Variants in ALG14 observed in about 807,000 individuals in gnomAD.
ALG14 encodes the protein ALG14 UDP-N-acetylglucosaminyltransferase subunit.
In ALG14, 17 loss-of-function variants were observed where a neutral mutation model predicts 22.8. That is an observed-to-expected ratio of 0.75 (90% CI 0.51 to 1.12). The LOEUF (loss-of-function observed/expected upper bound fraction) is 1.12, where lower values mean the gene tolerates loss of function less well. Ranked by LOEUF, ALG14 falls within the 50% of genes most tolerant of loss-of-function variation. ALG14 has a pLI of 0.00. For synonymous variants in ALG14, 89 were observed against 103.7 expected (o/e 0.86, Z 0.86); for missense variants, 288 against 271.8 (o/e 1.06, Z -0.42).
intron 3 of ALG14, among the ~76,000 whole-genome samples, chr1:94,997,407 T>G (rs944536315): frequency 2.0e-5 from 3 of 152,196 alleles, no homozygotes; most frequent in Non-Finnish European, 4.4e-5. Context: ...TCTCAACCAC[T>G]ATGGTGATAA....
rs145148882 is a variant in ALG14 at position 94,983,214 on chromosome 1, G to A, written c.513C>T (p.Tyr171=). 6.6e-5 allele frequency: 107 copies of A among 1,613,984 alleles called. No individual in the cohort carries two copies. Among genetic ancestry groups the A allele is most frequent in the Non-Finnish European group, 8.1e-5 (96 of 1,180,030 alleles). Residue 171 remains tyrosine, a synonymous_variant, in exon 4 of 4, where the codon TAC becomes TAT. Transcript: ENST00000370205. ...TTTCTACACGGCAGATGCTTTCAACGTAGACAATGATCACTTTCTTTATTC... is the reference window on the plus strand; with the variant it reads ...TTTCTACACGGCAGATGCTTTCAACATAGACAATGATCACTTTCTTTATTC... ...ILGIKKVIIV[Y]VESICRVETL... is the part of the protein sequence containing the mutation.
At chr1:95,012,454 T>A (rs1421286343) in intron 3 of ALG14, among the ~76,000 whole-genome samples, 1 of 152,178 alleles carries the variant, frequency 6.6e-6, no homozygotes, top group South Asian at 2.1e-4. Context: ...TTTCGTCTTA[T>A]TAGAGTGAGC....
Position 94,983,326 on chromosome 1 carries a change from G to A in ALG14, c.421-20C>T, listed in dbSNP as rs758329527. 2 of 1,599,138 alleles carry A rather than the reference G, an allele frequency of 1.3e-6. No homozygotes were observed. Among genetic ancestry groups the A allele is most frequent in the South Asian group, 1.1e-5 (1 of 90,332 alleles). Reference sequence around the variant, plus strand: ...CAACACCTGAAAGAAAAAGTTGAAGGTCAAATGAAAATACAGAATAATAAT... The same window carrying A: ...CAACACCTGAAAGAAAAAGTTGAAGATCAAATGAAAATACAGAATAATAAT... On this transcript the variant is annotated intron_variant, in intron 3 of 3. Coordinates refer to ENST00000370205, the MANE Select transcript of ALG14 (RefSeq NM_144988.4).
At chr1:94,988,220 A>C (rs1324853695) in intron 3 of ALG14, among the ~76,000 whole-genome samples, 5 of 152,244 alleles carry the variant, frequency 3.3e-5, no homozygotes, top group Non-Finnish European at 7.3e-5. Flanking sequence ...ACTGACATGT[A>C]GGAATTGTCA....
intron 2 of ALG14, among the ~76,000 whole-genome samples, chr1:95,036,841 A>G (rs1674215612): frequency 6.6e-6 from 1 of 152,186 alleles, no homozygotes; most frequent in South Asian, 2.1e-4. Context: ...CTTTGCATGA[A>G]TCAAGCTCTC....
intron 3 of ALG14, among the ~76,000 whole-genome samples, chr1:95,015,617 G>C (rs1029995308): frequency 3.9e-5 from 6 of 152,206 alleles, no homozygotes; most frequent in Non-Finnish European, 8.8e-5. Flanking sequence ...CCCTTCTTGA[G>C]AGGGGCGGGT....
In ALG14 at chr1:94,982,115, G is replaced by GTTTTGTTT. The variant is rs1672509226; in HGVS notation, c.*953_*960dup. On this transcript the variant is annotated 3_prime_UTR_variant, in exon 4 of 4. Coordinates refer to ENST00000370205, the MANE Select transcript of ALG14 (RefSeq NM_144988.4). Reference sequence around the variant, plus strand: ...ATAATAACAGTCCCTACATCATTGAGTTTTGTTTTTTTTTTTTTTTTTTGA... The same window carrying GTTTTGTTT: ...ATAATAACAGTCCCTACATCATTGAGTTTTGTTTTTTTGTTTTTTTTTTTTTTTTTTGA... 3.1e-5 allele frequency: 4 copies of GTTTTGTTT among 128,926 alleles called. No homozygotes were observed. The highest frequency in any genetic ancestry group is 6.6e-5 in the Non-Finnish European group (4 of 60,304). The allele number at this position is 128,926 out of a possible 1,614,324, so 8.0% of individuals were successfully genotyped here. A position where few individuals can be genotyped will look rare whatever the true frequency, so the allele number is the denominator to read the frequency against.
intron 3 of ALG14, among the ~76,000 whole-genome samples, chr1:94,994,005 T>A (rs1672846437): frequency 6.6e-6 from 1 of 152,246 alleles, no homozygotes; most frequent in Non-Finnish European, 1.5e-5. Context: ...GGTTGGTATT[T>A]CATTTTCTTG....
At chr1:95,012,690 G>C (rs1673399750) in intron 3 of ALG14, among the ~76,000 whole-genome samples, 1 of 152,182 alleles carries the variant, frequency 6.6e-6, no homozygotes, top group South Asian at 2.1e-4. Flanking sequence ...CCCCTGCTTT[G>C]ATAGAATTTC....
At chr1:95,027,021 C>T in intron 3 of ALG14, 108 bp downstream of exon 3, 2 of 1,388,134 alleles carry the variant, frequency 1.4e-6, no homozygotes, top group African/African-American at 1.4e-5. Context: ...TTGCATACTA[C>T]CTGGCACACT....
Position 95,046,973 on chromosome 1 carries a change from A to AAACATAACATAACATAACAT in ALG14, c.288+17873_288+17892dup, listed in dbSNP as rs56232245. On this transcript the variant is annotated intron_variant, in intron 2 of 3. Coordinates refer to ENST00000370205, the MANE Select transcript of ALG14 (RefSeq NM_144988.4). ...CAGAGTGAAACCCTGTCTCACAAAAAAACATAACATAACATAACATAACAT... is the reference window on the plus strand; with the variant it reads ...CAGAGTGAAACCCTGTCTCACAAAAAAACATAACATAACATAACATAACATAACATAACATAACATAACAT... 1.5e-3 allele frequency among the ~76,000 whole-genome samples: 210 copies of AAACATAACATAACATAACAT among 144,806 alleles called. 1 individual carries two copies. Among genetic ancestry groups the AAACATAACATAACATAACAT allele is most frequent in the South Asian group, 5.5e-3 (24 of 4,366 alleles). 95.0% of individuals were successfully genotyped at this position (144,806 alleles called of 152,430 possible). A position where few individuals can be genotyped will look rare whatever the true frequency, so the allele number is the denominator to read the frequency against.
At chr1:95,055,644 C>A (rs1674898190) in intron 2 of ALG14, among the ~76,000 whole-genome samples, 1 of 151,836 alleles carries the variant, frequency 6.6e-6, no homozygotes, top group Non-Finnish European at 1.5e-5. Flanking sequence ...CAACAAGATT[C>A]TTTTGTGAAC....
intron 3 of ALG14, among the ~76,000 whole-genome samples, chr1:95,016,786 A>C (rs988051701): frequency 6.4e-4 from 98 of 152,130 alleles, no homozygotes; most frequent in African/African-American, 2.2e-3. Context: ...AAAAGGCTTG[A>C]AGGCTGCACA....
At chr1:95,048,106 TC>T (rs1674619125) in intron 2 of ALG14, among the ~76,000 whole-genome samples, 1 of 152,208 alleles carries the variant, frequency 6.6e-6, no homozygotes, top group Non-Finnish European at 1.5e-5. Flanking sequence ...TGCTGAAATT[TC>T]CACTAAACAC....
intron 3 of ALG14, among the ~76,000 whole-genome samples, chr1:95,022,073 C>A (rs1351461669): frequency 6.6e-6 from 1 of 152,172 alleles, no homozygotes; most frequent in African/African-American, 2.4e-5. Context: ...GCCACGCTGG[C>A]TTCTGCAGAC....
At chr1:95,069,856 A>G (rs957751101) in intron 1 of ALG14, among the ~76,000 whole-genome samples, 1 of 152,196 alleles carries the variant, frequency 6.6e-6, no homozygotes, top group South Asian at 2.1e-4. Flanking sequence ...AAACCTAAAA[A>G]TACTACTCTA....
intron 3 of ALG14, among the ~76,000 whole-genome samples, chr1:95,005,958 A>C (rs1673207864): frequency 6.6e-6 from 1 of 152,244 alleles, no homozygotes; most frequent in Non-Finnish European, 1.5e-5. Flanking sequence ...TTTCATATAG[A>C]AAGGCAAAAT....
At chr1:95,051,831 C>T (rs1477907166) in intron 2 of ALG14, among the ~76,000 whole-genome samples, 1 of 152,180 alleles carries the variant, frequency 6.6e-6, no homozygotes, top group Admixed American at 6.6e-5. Context: ...ACACACCTTT[C>T]CTGGTCACTA....
intron 2 of ALG14, among the ~76,000 whole-genome samples, chr1:95,052,966 A>G (rs2100817246): frequency 6.6e-6 from 1 of 152,272 alleles, no homozygotes; most frequent in East Asian, 1.9e-4. Context: ...AACAGAAAGC[A>G]GCCCAAGGAG....
Sources: gnomAD v4.1 joint callset for allele counts (sites outside exome capture counted in the v4.1 genomes callset) on GRCh38, gnomAD v4.1.1 for gene constraint, MANE v1.5 for transcripts, NCBI Gene and HGNC (gene_info 2026-07-23, HGNC 2026-07-21) for gene names.